CCDC85A: variants seen among roughly 807,000 people sequenced by gnomAD.
CCDC85A encodes the protein coiled-coil domain containing 85A.
A neutral mutation model predicts 50.2 loss-of-function variants in CCDC85A; 38 were observed. That is an observed-to-expected ratio of 0.76 (90% CI 0.58 to 0.99). The LOEUF (loss-of-function observed/expected upper bound fraction) is 0.99, where lower values mean the gene tolerates loss of function less well. Among genes scored for constraint, CCDC85A ranks in the 50% least tolerant of loss-of-function variants. CCDC85A has a pLI of 0.00. For synonymous variants in CCDC85A, 366 were observed against 301.4 expected (o/e 1.21, Z -2.22); for missense variants, 820 against 742.0 (o/e 1.11, Z -1.22).
chr2:56,357,406 G>T (rs1675287332), intron 3 of CCDC85A, among the ~76,000 whole-genome samples: 1 of 152,198 alleles, frequency 6.6e-6, no homozygotes. Flanking sequence ...TGTGGCTACA[G>T]TTGATGCCAT....
At chr2:56,363,655 T>C (rs1038508895) in intron 3 of CCDC85A, among the ~76,000 whole-genome samples, 1 of 152,192 alleles carries the variant, frequency 6.6e-6, no homozygotes, top group African/African-American at 2.4e-5. Context: ...GTGGAATATT[T>C]CTTAGTCAAT....
intron 2 of CCDC85A, among the ~76,000 whole-genome samples, chr2:56,281,732 GC>G (rs752477608): frequency 4.0e-4 from 61 of 151,962 alleles, no homozygotes; most frequent in African/African-American, 1.5e-3. Flanking sequence ...CATGGATTTT[GC>G]CTTTTTTGAT....
intron 2 of CCDC85A, among the ~76,000 whole-genome samples, chr2:56,298,795 T>C (rs1313012725): frequency 1.3e-5 from 2 of 152,226 alleles, no homozygotes; most frequent in East Asian, 3.8e-4. Flanking sequence ...TATTTAACCA[T>C]GCATACCACT....
intron 2 of CCDC85A, among the ~76,000 whole-genome samples, chr2:56,303,746 A>T (rs1672310577): frequency 6.6e-6 from 1 of 152,152 alleles, no homozygotes; most frequent in African/African-American, 2.4e-5. Flanking sequence ...ATATCCTTAA[A>T]GGTTTTGAAA....
chr2:56,372,513 T>A, intron 4 of CCDC85A, 35 bp downstream of exon 4: 1 of 1,554,022 alleles, frequency 6.4e-7, no homozygotes, highest in Non-Finnish European at 8.7e-7. Flanking sequence ...TGCATTTGCT[T>A]GTGCATAACC....
chr2:56,218,013 G>A (rs1005072538), intron 2 of CCDC85A, among the ~76,000 whole-genome samples: 2 of 151,778 alleles, frequency 1.3e-5, no homozygotes, highest in African/African-American at 4.8e-5. Context: ...CTCCTGCTGA[G>A]GTTTGGCGAC....
chr2:56,337,292 T>C (rs1341570277), intron 2 of CCDC85A, among the ~76,000 whole-genome samples: 1 of 152,242 alleles, frequency 6.6e-6, no homozygotes, highest in Non-Finnish European at 1.5e-5. Flanking sequence ...GAGGATGTCA[T>C]TGGATTTTCA....
chr2:56,312,871 T>TATA (rs138673436), intron 2 of CCDC85A, among the ~76,000 whole-genome samples: 6,165 of 152,036 alleles, frequency 0.041, 431 homozygotes, highest in African/African-American at 0.14. Context: ...ACTGATTTGA[T>TATA]ATATTTGTAG....
At chr2:56,373,820 C>T (rs939625215) in intron 4 of CCDC85A, among the ~76,000 whole-genome samples, 1 of 151,962 alleles carries the variant, frequency 6.6e-6, no homozygotes, top group Admixed American at 6.6e-5. Flanking sequence ...AGAGTGGTAC[C>T]AGGAGGAAAA....
In CCDC85A at chr2:56,184,119, G is replaced by A; in HGVS notation, c.-506G>A. 2.0e-6 allele frequency: 2 copies of A among 975,626 alleles called. No homozygotes were observed. Among genetic ancestry groups the A allele is most frequent in the Non-Finnish European group, 2.4e-6 (2 of 821,000 alleles). The allele number at this position is 975,626 out of a possible 1,614,324, so 60.4% of individuals were successfully genotyped here. A position where few individuals can be genotyped will look rare whatever the true frequency, so the allele number is the denominator to read the frequency against. On this transcript the variant is annotated 5_prime_UTR_variant, in exon 1 of 6. Coordinates refer to ENST00000407595, the MANE Select transcript of CCDC85A (RefSeq NM_001080433.2). ...GCGGCGGCGTCGCTAGAGCAGCCGG[G>A]GAGGCGCCGCGGTGCCCGGCGCGCC...
chr2:56,374,252 C>G (rs551607710), intron 4 of CCDC85A, among the ~76,000 whole-genome samples: 1 of 152,046 alleles, frequency 6.6e-6, no homozygotes, highest in South Asian at 2.1e-4. Flanking sequence ...CAGGACCTGA[C>G]TGGATTATAG....
At chr2:56,339,411 A>G (rs942738461) in intron 2 of CCDC85A, among the ~76,000 whole-genome samples, 14 of 152,208 alleles carry the variant, frequency 9.2e-5, no homozygotes, top group African/African-American at 3.4e-4. Flanking sequence ...TTTTTCCTGA[A>G]CTGACATAAT....
intron 2 of CCDC85A, among the ~76,000 whole-genome samples, chr2:56,287,433 G>A (rs1352114228): frequency 6.6e-6 from 1 of 152,162 alleles, no homozygotes; most frequent in Non-Finnish European, 1.5e-5. Context: ...CATCTTGACA[G>A]TTTCTCTTCT....
intron 2 of CCDC85A, among the ~76,000 whole-genome samples, chr2:56,207,304 G>T (rs907780885): frequency 6.6e-6 from 1 of 152,104 alleles, no homozygotes; most frequent in African/African-American, 2.4e-5. Context: ...GAGTAGGCAG[G>T]CTCTGCCACC....
chr2:56,254,880 G>A (rs1669914746), intron 2 of CCDC85A, among the ~76,000 whole-genome samples: 2 of 152,186 alleles, frequency 1.3e-5, no homozygotes, highest in African/African-American at 4.8e-5. Flanking sequence ...GATGAGGCAG[G>A]AGTGAAAGCA....
intron 2 of CCDC85A, among the ~76,000 whole-genome samples, chr2:56,300,957 A>G (rs1370154877): frequency 1.3e-5 from 2 of 152,196 alleles, no homozygotes; most frequent in African/African-American, 4.8e-5. Context: ...AGTCTTAAGT[A>G]TCATCTAAGT....
chr2:56,274,399 A>G (rs868636455), intron 2 of CCDC85A, among the ~76,000 whole-genome samples: 8 of 152,222 alleles, frequency 5.3e-5, no homozygotes, highest in African/African-American at 1.9e-4. Context: ...CCATACATTT[A>G]AGCAACAGTT....
intron 2 of CCDC85A, among the ~76,000 whole-genome samples, chr2:56,281,481 T>C (rs1671205881): frequency 6.6e-6 from 1 of 152,158 alleles, no homozygotes; most frequent in Non-Finnish European, 1.5e-5. Context: ...TGTATTGAAC[T>C]TTATAAAAAA....
intron 2 of CCDC85A, among the ~76,000 whole-genome samples, chr2:56,205,628 C>G (rs7581649): frequency 0.23 from 34,530 of 152,036 alleles, 4,108 homozygotes; most frequent in African/African-American, 0.29. Flanking sequence ...TGATAAGACT[C>G]ATGGATGTGA....
Sources: allele counts gnomAD v4.1 joint callset (sites outside exome capture counted in the v4.1 genomes callset), GRCh38; gene constraint gnomAD v4.1.1; transcripts MANE v1.5; gene names NCBI Gene and HGNC (gene_info 2026-07-23, HGNC 2026-07-21).